ANK1: variants seen among roughly 807,000 people sequenced by gnomAD.
ANK1 encodes the protein ankyrin-1.
Under a neutral mutation model 210.4 loss-of-function variants are expected in ANK1, and 51 were observed. The observed-to-expected ratio is 0.24, with a 90% CI of 0.19 to 0.31. The LOEUF (loss-of-function observed/expected upper bound fraction) is 0.31, where lower values mean the gene tolerates loss of function less well. Ranked by LOEUF, ANK1 falls within the 10% of genes least tolerant of loss-of-function variation. The pLI is 1.00. For synonymous variants in ANK1, 967 were observed against 1,025.9 expected (o/e 0.94, Z 1.10); for missense variants, 2,051 against 2,504.4 (o/e 0.82, Z 3.86).
intron 1 of ANK1, among the ~76,000 whole-genome samples, chr8:41,767,445 G>T (rs1172231239): frequency 6.6e-6 from 1 of 151,530 alleles, no homozygotes; most frequent in Non-Finnish European, 1.5e-5. Flanking sequence ...TCTGCTGGGC[G>T]GCGCGGGGAG....
Position 41,797,529 on chromosome 8 carries a change from A to T in ANK1, c.10T>A (p.Ser4Thr), listed in dbSNP as rs765868859. The change falls in exon 1 of 43, where the codon TCT becomes ACT. Residue 4 changes from serine to threonine, a missense_variant. Coordinates refer to ENST00000289734, the MANE Select transcript of ANK1 (RefSeq NM_000037.4). This position sits in a 1 kb window ranked among gnomAD's most constrained non-coding sequence, Gnocchi z 4.0. Reference sequence around the variant, plus strand: ...GTACTCACTTCGCGGAAGCCCACAGAATAGGGCATGCCGGTCTTTCAGCAG... The same window carrying T: ...GTACTCACTTCGCGGAAGCCCACAGTATAGGGCATGCCGGTCTTTCAGCAG... MPY[S>T]VGFREADAAT... 3 of 1,613,696 alleles carry T rather than the reference A, an allele frequency of 1.9e-6. No homozygotes were observed. Among genetic ancestry groups the T allele is most frequent in the Non-Finnish European group, 1.7e-6 (2 of 1,179,832 alleles).
chr8:41,826,871 C>T (rs569531470), intron 1 of ANK1, among the ~76,000 whole-genome samples: 4 of 152,244 alleles, frequency 2.6e-5, no homozygotes, highest in South Asian at 4.1e-4. Context: ...TCAAATTCCC[C>T]TCTCCTCCCC....
chr8:41,724,624 T>TCCCAGG, intron 6 of ANK1, 70 bp from the exon 7 acceptor site: 1 of 1,436,478 alleles, frequency 7.0e-7, no homozygotes, highest in Non-Finnish European at 9.5e-7. Context: ...AGCCCTGGGA[T>TCCCAGG]GCAGGAAACT....
At chr8:41,673,718 G>C (rs888724427) in intron 37 of ANK1, among the ~76,000 whole-genome samples, 1 of 152,200 alleles carries the variant, frequency 6.6e-6, no homozygotes, top group East Asian at 1.9e-4. Flanking sequence ...ATGGGAGCCA[G>C]CTTGCTCAGG....
chr8:41,708,147 A>C (rs771416404), intron 17 of ANK1, among the ~76,000 whole-genome samples: 140 of 152,232 alleles, frequency 9.2e-4, no homozygotes, highest in Middle Eastern at 3.2e-3. Flanking sequence ...GTAGAGTTTG[A>C]AAGGGTGACT....
chr8:41,811,688 C>T (rs1802524110), intron 1 of ANK1, among the ~76,000 whole-genome samples: 2 of 152,226 alleles, frequency 1.3e-5, no homozygotes, highest in African/African-American at 2.4e-5. Flanking sequence ...GTGTGTTCAA[C>T]TGCACAGTGG....
chr8:41,698,392 T>G (rs1821706859), intron 23 of ANK1, among the ~76,000 whole-genome samples: 1 of 152,240 alleles, frequency 6.6e-6, no homozygotes, highest in Non-Finnish European at 1.5e-5. Flanking sequence ...CATGACCACT[T>G]GGTGTGCATT....
intron 1 of ANK1, among the ~76,000 whole-genome samples, chr8:41,889,353 A>G (rs1339761740): frequency 6.6e-6 from 1 of 152,234 alleles, no homozygotes; most frequent in Non-Finnish European, 1.5e-5. Context: ...TGCACGAGGA[A>G]CACTGGAGAC....
At chr8:41,792,551 C>A (rs1847957234) in intron 1 of ANK1, among the ~76,000 whole-genome samples, 1 of 152,142 alleles carries the variant, frequency 6.6e-6, no homozygotes, top group Admixed American at 6.5e-5. Flanking sequence ...TTGGTCGAAG[C>A]CAGGGAAAAT....
At chr8:41,799,985 C>T (rs1459770098), upstream of ANK1, among the ~76,000 whole-genome samples, 2 of 152,114 alleles carry the variant, frequency 1.3e-5, no homozygotes, top group African/African-American at 2.4e-5. Context: ...GACATTTGTC[C>T]CTCCCTTCAC....
At chr8:41,716,172 T>C (rs896467014) in intron 13 of ANK1, among the ~76,000 whole-genome samples, 14 of 152,184 alleles carry the variant, frequency 9.2e-5, no homozygotes, top group African/African-American at 3.4e-4. Context: ...GCTGATAATG[T>C]ACATGGTTTC....
rs1808206197 is a variant in ANK1 at position 41,661,561 on chromosome 8, C to T, written c.5548G>A (p.Glu1850Lys). Residue 1850 changes from glutamate to lysine, a missense_variant, in exon 42 of 43, where the codon GAG (glutamate) becomes AAG (lysine). Glu to Lys is a moderately conservative substitution (Grantham distance 56). Transcript: ENST00000289734. Reference protein sequence around the residue: ...ADAAQEHEEVELRGSGLQPDL... With the variant: ...ADAAQEHEEVKLRGSGLQPDL... ...GGCTGTAGGCCACTCCCTCTCAGCTCCACCTGCAGACAGCAGCAGAGACAG... is the reference window on the plus strand; with the variant it reads ...GGCTGTAGGCCACTCCCTCTCAGCTTCACCTGCAGACAGCAGCAGAGACAG... 1.2e-6 allele frequency: 2 copies of T among 1,613,836 alleles called. No individual in the cohort carries two copies. Among genetic ancestry groups the T allele is most frequent in the Non-Finnish European group, 1.7e-6 (2 of 1,180,058 alleles).
At chr8:41,714,774 T>G (rs1827153986) in intron 15 of ANK1, among the ~76,000 whole-genome samples, 1 of 152,022 alleles carries the variant, frequency 6.6e-6, no homozygotes, top group Admixed American at 6.5e-5. Context: ...CACTCGAGGA[T>G]GGCTTGAGCC....
At chr8:41,878,442 T>A (rs1287406842) in intron 1 of ANK1, among the ~76,000 whole-genome samples, 6 of 152,154 alleles carry the variant, frequency 3.9e-5, no homozygotes, top group Non-Finnish European at 4.4e-5. Flanking sequence ...AAATTACACC[T>A]TCAGACAGGT....
At chr8:41,697,422 T>C (rs1472642680) in intron 24 of ANK1, among the ~76,000 whole-genome samples, 2 of 152,270 alleles carry the variant, frequency 1.3e-5, no homozygotes, top group Non-Finnish European at 2.9e-5. Context: ...AGAACGTCCT[T>C]GTCCATCGCC....
chr8:41,742,621 C>A (rs1047367543), intron 2 of ANK1, among the ~76,000 whole-genome samples: 1 of 152,178 alleles, frequency 6.6e-6, no homozygotes. Flanking sequence ...GAAACACAAA[C>A]TTTGCATCAA....
intron 1 of ANK1, among the ~76,000 whole-genome samples, chr8:41,822,757 T>C (rs1490845351): frequency 6.6e-6 from 1 of 152,136 alleles, no homozygotes; most frequent in African/African-American, 2.4e-5. Context: ...CTGCCTTGGA[T>C]CCTTGACCCT....
At chr8:41,736,538 G>A (rs1043772385) in intron 2 of ANK1, among the ~76,000 whole-genome samples, 6 of 152,206 alleles carry the variant, frequency 3.9e-5, no homozygotes, top group Non-Finnish European at 5.9e-5. Context: ...TGACAGCCCG[G>A]CAGCTGCTGC....
chr8:41,713,003 T>A (rs1233859452), intron 16 of ANK1, among the ~76,000 whole-genome samples: 1 of 152,044 alleles, frequency 6.6e-6, no homozygotes, highest in Non-Finnish European at 1.5e-5. Context: ...GGAGCCGGCG[T>A]CTGTAGAAGA....
Sources: allele counts gnomAD v4.1 joint callset (sites outside exome capture counted in the v4.1 genomes callset), GRCh38; gene constraint gnomAD v4.1.1; non-coding constraint Gnocchi (gnomAD v3.1); transcripts MANE v1.5; gene names NCBI Gene and HGNC (gene_info 2026-07-23, HGNC 2026-07-21).